The following ZDHHC19 variants were observed in gnomAD, a reference collection of about 807,000 sequenced individuals.
The protein encoded by ZDHHC19 is palmitoyltransferase ZDHHC19.
A neutral mutation model predicts 33.9 loss-of-function variants in ZDHHC19; 30 were observed. The observed-to-expected ratio is 0.88, with a 90% CI of 0.66 to 1.20. ZDHHC19 has a LOEUF of 1.20. Ranked by LOEUF, ZDHHC19 falls within the 50% of genes most tolerant of loss-of-function variation. The probability of loss-of-function intolerance (pLI) is 0.00; values close to 1 mark genes in which losing one functional copy is unlikely to be tolerated. For synonymous variants in ZDHHC19, 178 were observed against 167.6 expected, an observed-to-expected ratio of 1.06 and a Z score of -0.48; for missense variants, 364 against 401.1, an observed-to-expected ratio of 0.91 and a Z score of 0.79.
intron 7 of ZDHHC19, 148 bp downstream of exon 7, chr3:196,198,128 T>C: frequency 1.4e-6 from 1 of 727,412 alleles, no homozygotes; most frequent in South Asian, 4.4e-5. Context: ...CCAACGCCCC[T>C]CCAGTGTAGA....
At chr3:196,207,135 G>A (rs540228785) in intron 5 of ZDHHC19, among the ~76,000 whole-genome samples, 11 of 152,296 alleles carry the variant, frequency 7.2e-5, no homozygotes, top group African/African-American at 1.9e-4. Flanking sequence ...CAACACGAGT[G>A]TGGAATGTAG....
intron 5 of ZDHHC19, among the ~76,000 whole-genome samples, chr3:196,200,327 G>GATATATATATATAT (rs374551956): frequency 4.7e-4 from 55 of 116,788 alleles, no homozygotes; most frequent in East Asian, 1.3e-3. Context: ...AAAATTTAGG[G>GATATATATATATAT]ATATATATAT....
chr3:196,200,563 C>T (rs569840235), intron 5 of ZDHHC19, among the ~76,000 whole-genome samples: 78 of 149,272 alleles, frequency 5.2e-4, no homozygotes, highest in Admixed American at 3.0e-3. Context: ...ACCGTGTTAG[C>T]CAGGATGGTC....
chr3:196,208,591 G>C (rs1490851773), intron 3 of ZDHHC19, 31 bp from the exon 4 acceptor site: 1 of 1,608,470 alleles, frequency 6.2e-7, no homozygotes, highest in Admixed American at 1.7e-5. Context: ...CCAGGCTTGA[G>C]GACTTCTCCT....
intron 5 of ZDHHC19, among the ~76,000 whole-genome samples, chr3:196,200,337 T>TATAG (rs1553817308): frequency 1.1e-5 from 1 of 94,264 alleles, no homozygotes; most frequent in African/African-American, 3.7e-5. Flanking sequence ...GATATATATA[T>TATAG]ATATATGTAT....
At chr3:196,199,070 T>A (rs1004264285) in intron 5 of ZDHHC19, among the ~76,000 whole-genome samples, 196 bp from the exon 6 acceptor site, 1 of 152,096 alleles carries the variant, frequency 6.6e-6, no homozygotes, top group African/African-American at 2.4e-5. Flanking sequence ...GCCACACACA[T>A]CCTCCTGCTA....
chr3:196,200,576 G>C lies in ZDHHC19; in HGVS notation c.688-1702C>G, dbSNP rs552774009. The stretch of plus-strand genomic sequence containing the variant: ...TCACCGTGTTAGCCAGGATGGTCTC[G>C]ATCTCCTGACCTCGTGATCCGCCCA... On this transcript the variant is annotated intron_variant, in intron 5 of 7. Coordinates refer to ENST00000296326, the MANE Select transcript of ZDHHC19 (RefSeq NM_001039617.2). Among the ~76,000 whole-genome samples, 514 of 149,668 alleles carry C rather than the reference G, an allele frequency of 3.4e-3. 9 individuals are homozygous for C. Among genetic ancestry groups the C allele is most frequent in the African/African-American group, 8.9e-3 (362 of 40,504 alleles).
chr3:196,210,598 A>G lies in ZDHHC19; in HGVS notation c.268+18T>C. On this transcript the variant is annotated intron_variant, in intron 2 of 7. Transcript: ENST00000296326. ...CCCTTGAGTGACACCTCCTTTTCCC[A>G]GGGGGCTGATGCCTCACCTTGATGT... is the stretch of plus-strand genomic sequence containing the variant. 6.2e-7 allele frequency: 1 copy of G among 1,613,792 alleles called. No individual in the cohort carries two copies. Among genetic ancestry groups the G allele is most frequent in the East Asian group, 2.2e-5 (1 of 44,858 alleles).
chr3:196,207,307 G>T, intron 5 of ZDHHC19, 91 bp downstream of exon 5: 2 of 1,156,840 alleles, frequency 1.7e-6, no homozygotes, highest in Non-Finnish European at 2.5e-6. Context: ...CGCGGGTGGG[G>T]GTCAGGCTAT....
chr3:196,200,338 ATATAT>A (rs1451673295), intron 5 of ZDHHC19, among the ~76,000 whole-genome samples: 2 of 62,222 alleles, frequency 3.2e-5, no homozygotes, highest in African/African-American at 1.4e-4. Flanking sequence ...ATATATATAT[ATATAT>A]GTATATATAT....
rs1181835527 is a variant in ZDHHC19, at chr3:196,207,649, G to GC, written c.582-147dup. On this transcript the variant is annotated intron_variant, in intron 4 of 7. Coordinates refer to ENST00000296326, the MANE Select transcript of ZDHHC19 (RefSeq NM_001039617.2). ...CGAGCCCCGCCCCGCCCCTGGCCCC[G>GC]CCCCCAGGCCCGACTCCGCCCCGAG... 3.7e-4 allele frequency: 8 copies of GC among 21,470 alleles called. No homozygotes were observed. The African/African-American group carries it at 5.4e-3, about 14-fold the overall frequency. 1.3% of individuals were successfully genotyped at this position (21,470 alleles called of 1,614,324 possible).
At chr3:196,201,772 C>T (rs1722371000) in intron 5 of ZDHHC19, among the ~76,000 whole-genome samples, 1 of 152,016 alleles carries the variant, frequency 6.6e-6, no homozygotes, top group Admixed American at 6.6e-5. Context: ...CTCAGACTGT[C>T]CACCTCACTG....
rs1158338778 is a variant in ZDHHC19, at chr3:196,203,399, C to T, written c.687+3999G>A. 1.3e-5 allele frequency among the ~76,000 whole-genome samples: 2 copies of T among 152,180 alleles called. No homozygotes were observed. Among genetic ancestry groups the T allele is most frequent in the Admixed American group, 6.5e-5 (1 of 15,272 alleles). On this transcript the variant is annotated intron_variant, in intron 5 of 7. Coordinates refer to ENST00000296326, the MANE Select transcript of ZDHHC19 (RefSeq NM_001039617.2). The surrounding 1 kb of genome is among the most constrained non-coding windows in gnomAD (Gnocchi z 4.3). ...CCATTTTACAGTTGGGGAAAGTGGA[C>T]GCCTAGGTGGCTAAGTAATATACCC...
chr3:196,198,944 C>T, intron 5 of ZDHHC19, 70 bp from the exon 6 acceptor site: 1 of 1,506,600 alleles, frequency 6.6e-7, no homozygotes, highest in Non-Finnish European at 9.2e-7. Context: ...GCCCAGTGGC[C>T]CTCCCTGAGC....
chr3:196,197,574 G>A lies in ZDHHC19; in HGVS notation c.*171C>T. ...GGCTCAGGAAGTGGGAGGTAAGGAGGCAGGTTCAGGAGGCGGGTTCAGGAG... is the reference window on the plus strand; with the variant it reads ...GGCTCAGGAAGTGGGAGGTAAGGAGACAGGTTCAGGAGGCGGGTTCAGGAG... On this transcript the variant is annotated 3_prime_UTR_variant, in exon 8 of 8. Transcript: ENST00000296326. This position sits in a 1 kb window ranked among gnomAD's most constrained non-coding sequence, Gnocchi z 4.4. 6.5e-6 allele frequency: 1 copy of A among 153,166 alleles called. No homozygotes were observed. Among genetic ancestry groups the A allele is most frequent in the Non-Finnish European group, 1.5e-5 (1 of 68,600 alleles). The allele number at this position is 153,166 out of a possible 1,614,324, so 9.5% of individuals were successfully genotyped here.
chr3:196,200,646 G>A (rs562911948), intron 5 of ZDHHC19, among the ~76,000 whole-genome samples: 30 of 140,662 alleles, frequency 2.1e-4, no homozygotes, highest in East Asian at 8.2e-4. Context: ...GAGCCACCAC[G>A]CCTGGCCTTT....
chr3:196,205,437 G>C (rs897262532), intron 5 of ZDHHC19, among the ~76,000 whole-genome samples: 1 of 152,162 alleles, frequency 6.6e-6, no homozygotes, highest in Non-Finnish European at 1.5e-5. Context: ...AAAGGAAAGT[G>C]ATAAGGACAG....
intron 2 of ZDHHC19, 121 bp downstream of exon 2, chr3:196,210,495 C>T (rs183185742): frequency 1.0e-5 from 13 of 1,242,242 alleles, no homozygotes; most frequent in East Asian, 2.4e-5. Flanking sequence ...GCAATGAAGA[C>T]GTGGGGTGAA....
intron 5 of ZDHHC19, among the ~76,000 whole-genome samples, chr3:196,199,919 T>G (rs555873234): frequency 6.6e-6 from 1 of 152,028 alleles, no homozygotes. Flanking sequence ...CACTCCAGCC[T>G]GGGCGACAGA....
Sources: gnomAD v4.1 joint callset for allele counts (sites outside exome capture counted in the v4.1 genomes callset) on GRCh38, gnomAD v4.1.1 for gene constraint, Gnocchi (gnomAD v3.1) non-coding constraint, MANE v1.5 for transcripts, NCBI Gene and HGNC (gene_info 2026-07-23, HGNC 2026-07-21) for gene names.